CDK5RAP2: variants seen among roughly 807,000 people sequenced by gnomAD.
CDK5RAP2 encodes the protein CDK5 regulatory subunit associated protein 2.
A neutral mutation model predicts 232.9 loss-of-function variants in CDK5RAP2; 147 were observed. That is an observed-to-expected ratio of 0.63 (90% CI 0.55 to 0.72). The LOEUF is 0.72. Ranked by LOEUF, CDK5RAP2 falls within the 30% of genes least tolerant of loss-of-function variation. CDK5RAP2 has a pLI of 0.00. For missense variants in CDK5RAP2, 2,195 were observed against 2,231.5 expected, an observed-to-expected ratio of 0.98 and a Z score of 0.33; for synonymous variants, 833 against 833.7, an observed-to-expected ratio of 1.00 and a Z score of 0.01.
At chr9:120,544,114 C>G (rs10818463) in intron 5 of CDK5RAP2, among the ~76,000 whole-genome samples, 146,022 of 152,242 alleles carry the variant, frequency 0.96, 70,298 homozygotes, top group East Asian at 1. Flanking sequence ...GACCACACAA[C>G]CCTGAGCAGT....
At chr9:120,492,433 TAA>T (rs2038955653) in intron 12 of CDK5RAP2, among the ~76,000 whole-genome samples, 1 of 152,184 alleles carries the variant, frequency 6.6e-6, no homozygotes, top group African/African-American at 2.4e-5. Flanking sequence ...CTATAAGGTA[TAA>T]GAGAGAACAA....
intron 12 of CDK5RAP2, among the ~76,000 whole-genome samples, chr9:120,503,242 G>A (rs2131728599): frequency 6.6e-6 from 1 of 152,246 alleles, no homozygotes; most frequent in Admixed American, 6.5e-5. Context: ...GGACTCTCTA[G>A]CCTGAGACTG....
intron 13 of CDK5RAP2, among the ~76,000 whole-genome samples, chr9:120,488,741 C>T (rs757656377): frequency 6.6e-6 from 1 of 152,234 alleles, no homozygotes; most frequent in Non-Finnish European, 1.5e-5. Flanking sequence ...ATTATAGCCA[C>T]GCAGATACTG....
At chr9:120,532,803 G>A (rs2041211446) in intron 7 of CDK5RAP2, among the ~76,000 whole-genome samples, 1 of 152,124 alleles carries the variant, frequency 6.6e-6, no homozygotes, top group African/African-American at 2.4e-5. Flanking sequence ...AGACCTATGG[G>A]AAATCCCAGG....
rs1391131946 is a variant in CDK5RAP2 at position 120,433,208 on chromosome 9, A to G, written c.3955+4087T>C. Among the ~76,000 whole-genome samples, 7 of 152,336 alleles carry G rather than the reference A, an allele frequency of 4.6e-5. No individual in the cohort carries two copies. In the East Asian group the frequency reaches 1.3e-3, roughly 29 times the overall value. ...TAAACCATCTATTTTGTACATATGAAGACAAGAGGAACAGAGTTAAATCCT... is the reference window on the plus strand; with the variant it reads ...TAAACCATCTATTTTGTACATATGAGGACAAGAGGAACAGAGTTAAATCCT... On this transcript the variant is annotated intron_variant, in intron 25 of 37. Coordinates refer to ENST00000349780, the MANE Select transcript of CDK5RAP2 (RefSeq NM_018249.6).
rs1253804348 is a variant in CDK5RAP2, at chr9:120,400,737, C to T, written c.5451+5G>A. 6.2e-7 allele frequency: 1 copy of T among 1,613,364 alleles called. No individual in the cohort carries two copies. The highest frequency in any genetic ancestry group is 1.1e-5 in the South Asian group (1 of 91,046). On this transcript the variant is annotated splice_donor_5th_base_variant and intron_variant, in intron 35 of 37. Transcript: ENST00000349780. ...TGAGCCTCTGAAACATGTGTCACCA[C>T]CTACCTGCTCACAGTGAAGGGGGCA...
chr9:120,458,507 A>C lies in CDK5RAP2; in HGVS notation c.2318T>G (p.Phe773Cys), dbSNP rs1487568842. ...HAPGCLEEGA[F>C]INLLAPLFNE... ...GAACAAAGGGGCAAGCAGGTTTATG[A>C]ATGCACCTTCTTCTAGGCAGCCAGG... Residue 773 changes from phenylalanine (F) to cysteine (C), a missense_variant, in exon 20 of 38, where the codon TTC becomes TGC. Physicochemically the swap from Phe to Cys is radical, Grantham distance 205. Transcript: ENST00000349780. 3.1e-6 allele frequency: 5 copies of C among 1,614,178 alleles called. No homozygotes were observed. Among genetic ancestry groups the C allele is most frequent in the Non-Finnish European group, 4.2e-6 (5 of 1,180,012 alleles).
intron 21 of CDK5RAP2, among the ~76,000 whole-genome samples, chr9:120,448,909 C>T (rs537697640): frequency 2.0e-5 from 3 of 152,324 alleles, no homozygotes; most frequent in African/African-American, 4.8e-5. Context: ...TCACCTAAGT[C>T]ATGGCAACAG....
chr9:120,533,427 C>T (rs1360416221), intron 7 of CDK5RAP2, among the ~76,000 whole-genome samples: 1 of 152,124 alleles, frequency 6.6e-6, no homozygotes. Context: ...TCTCCCTCCA[C>T]CCAAAAACAT....
chr9:120,561,488 T>C (rs2042463102), intron 3 of CDK5RAP2, among the ~76,000 whole-genome samples: 1 of 151,966 alleles, frequency 6.6e-6, no homozygotes, highest in Admixed American at 6.6e-5. Flanking sequence ...TTTGTAGAAA[T>C]GGGGTCTCAC....
In CDK5RAP2 at chr9:120,575,343, G is replaced by A. The variant is rs112255568; in HGVS notation, c.60-3302C>T. Reference sequence around the variant, plus strand: ...GCTAGGATTACAGGCGTGAGCCACCGCGCCCAGCTGTAGCAACTGTTTGTG... The same window carrying A: ...GCTAGGATTACAGGCGTGAGCCACCACGCCCAGCTGTAGCAACTGTTTGTG... On this transcript the variant is annotated intron_variant, in intron 1 of 37. Coordinates refer to ENST00000349780, the MANE Select transcript of CDK5RAP2 (RefSeq NM_018249.6). Among the ~76,000 whole-genome samples the A allele has an allele frequency of 4.1e-3, 630 of 152,226 alleles. 5 individuals carry two copies. The highest frequency in any genetic ancestry group is 0.014 in the African/African-American group (566 of 41,514).
chr9:120,404,751 C>A (rs773409606), intron 32 of CDK5RAP2, among the ~76,000 whole-genome samples: 36 of 152,190 alleles, frequency 2.4e-4, no homozygotes, highest in Non-Finnish European at 4.6e-4. Context: ...GGCTGCCACA[C>A]TAACCTAAGC....
At chr9:120,464,482 T>C (rs931419423) in intron 18 of CDK5RAP2, among the ~76,000 whole-genome samples, 1 of 152,210 alleles carries the variant, frequency 6.6e-6, no homozygotes, top group Non-Finnish European at 1.5e-5. Flanking sequence ...AAAGACTTTT[T>C]TCAAAACGAG....
intron 28 of CDK5RAP2, among the ~76,000 whole-genome samples, chr9:120,413,829 G>A (rs774975957): frequency 2.7e-3 from 262 of 96,238 alleles, no homozygotes; most frequent in East Asian, 5.4e-3. Context: ...AGGGAGGAGG[G>A]AGGAGGGAGG....
At chr9:120,550,196 T>A (rs905251053) in intron 4 of CDK5RAP2, among the ~76,000 whole-genome samples, 2 of 152,222 alleles carry the variant, frequency 1.3e-5, no homozygotes, top group Non-Finnish European at 2.9e-5. Context: ...CAAATGAGGA[T>A]AGGCTTTTCT....
chr9:120,448,278 C>T (rs1388221733), intron 21 of CDK5RAP2, 152 bp from the exon 22 acceptor site: 8 of 689,556 alleles, frequency 1.2e-5, no homozygotes, highest in Non-Finnish European at 1.8e-5. Context: ...TATCCACCAG[C>T]CAAGGAGCTT....
In CDK5RAP2 at chr9:120,419,869, C is replaced by A. The variant is rs1450995448; in HGVS notation, c.4096G>T (p.Glu1366Ter). 6.2e-7 allele frequency: 1 copy of A among 1,613,714 alleles called. No individual in the cohort carries two copies. The change falls in exon 27 of 38, where the codon GAA becomes TAA. Residue 1366 changes from glutamate (E) to a stop codon, truncating the protein, a stop_gained. Coordinates refer to ENST00000349780, the MANE Select transcript of CDK5RAP2 (RefSeq NM_018249.6). LOFTEE classifies it high-confidence loss of function. Reference sequence around the variant, plus strand: ...TGGTCTCGTGAGAAGAAGGACTTTTCAGATGTTTCATAATCAGAGAGCGCA... The same window carrying A: ...TGGTCTCGTGAGAAGAAGGACTTTTAAGATGTTTCATAATCAGAGAGCGCA... ...SHALSDYETS[E>*]KSFFSRDQKQ...
chr9:120,422,813 T>A, intron 25 of CDK5RAP2, 72 bp from the exon 26 acceptor site: 1 of 1,133,886 alleles, frequency 8.8e-7, no homozygotes, highest in Non-Finnish European at 1.3e-6. Flanking sequence ...AATTTCCTGC[T>A]CATACATTTG....
At chr9:120,516,602 G>T (rs1408235528) in intron 12 of CDK5RAP2, among the ~76,000 whole-genome samples, 3 of 152,166 alleles carry the variant, frequency 2.0e-5, no homozygotes, top group Non-Finnish European at 4.4e-5. Flanking sequence ...AAGATGTGAA[G>T]ATCACTGGAG....
Sources: allele counts gnomAD v4.1 joint callset (sites outside exome capture counted in the v4.1 genomes callset), GRCh38; gene constraint gnomAD v4.1.1; transcripts MANE v1.5; gene names NCBI Gene and HGNC (gene_info 2026-07-23, HGNC 2026-07-21).